The following DPT variants were observed in gnomAD, a reference collection of about 807,000 sequenced individuals.
The protein encoded by DPT is tyrosine-rich acidic matrix protein.
In DPT, 21 loss-of-function variants were observed where a neutral mutation model predicts 31.2. The ratio of observed to expected loss-of-function variants is 0.67; its 90% CI spans 0.48 to 0.97. The LOEUF (loss-of-function observed/expected upper bound fraction) is 0.97. DPT is among the 50% of genes least tolerant of loss of function. DPT has a pLI of 0.00. For missense variants in DPT, 262 were observed against 258.8 expected (o/e 1.01, Z -0.08); for synonymous variants, 91 against 86.9 (o/e 1.05, Z -0.26).
At chr1:168,701,747 G>A (rs892406030) in intron 2 of DPT, among the ~76,000 whole-genome samples, 1 of 152,144 alleles carries the variant, frequency 6.6e-6, no homozygotes, top group African/African-American at 2.4e-5. Flanking sequence ...GTCCACCATT[G>A]TTCATCCAGC....
chr1:168,725,203 T>G (rs796964398), intron 1 of DPT, among the ~76,000 whole-genome samples: 3 of 61,968 alleles, frequency 4.8e-5, no homozygotes, highest in African/African-American at 2.3e-4. Context: ...CCTTTGCTTT[T>G]CTTTCCTTTC....
chr1:168,702,603 G>A lies in DPT; in HGVS notation c.432-1479C>T, dbSNP rs1193251310. Among the ~76,000 whole-genome samples, 4 of 143,584 alleles carry A rather than the reference G, an allele frequency of 2.8e-5. No individual in the cohort carries two copies. In the East Asian group the frequency reaches 8.4e-4, roughly 30 times the overall value. 94.2% of individuals were successfully genotyped at this position (143,584 alleles called of 152,430 possible). On this transcript the variant is annotated intron_variant, in intron 2 of 3. Coordinates refer to ENST00000367817, the MANE Select transcript of DPT (RefSeq NM_001937.5). ...TCCAGAAGCAGGACTTTACCTTTCA[G>A]GTAAATGTCTTTTTTTTTTTTTTTT...
chr1:168,696,351 A>G lies in DPT; in HGVS notation c.*198T>C. 2 of 585,848 alleles carry G rather than the reference A, an allele frequency of 3.4e-6. No homozygotes were observed. Among genetic ancestry groups the G allele is most frequent in the Non-Finnish European group, 6.0e-6 (2 of 332,024 alleles). 36.3% of individuals were successfully genotyped at this position (585,848 alleles called of 1,614,324 possible). A position where few individuals can be genotyped will look rare whatever the true frequency, so the allele number is the denominator to read the frequency against. On this transcript the variant is annotated 3_prime_UTR_variant, in exon 4 of 4. Coordinates refer to ENST00000367817, the MANE Select transcript of DPT (RefSeq NM_001937.5). ...ATGAAACATGTGAAAAGTGAGAAACATGGTTTAATTGTGGATTTTATTAGA... is the reference window on the plus strand; with the variant it reads ...ATGAAACATGTGAAAAGTGAGAAACGTGGTTTAATTGTGGATTTTATTAGA...
intron 2 of DPT, among the ~76,000 whole-genome samples, chr1:168,706,081 G>A (rs1384105764): frequency 2.0e-5 from 3 of 152,136 alleles, no homozygotes; most frequent in African/African-American, 7.2e-5. Flanking sequence ...CATGAAAATG[G>A]ACTAATACAT....
chr1:168,727,705 A>ATT (rs3216459), intron 1 of DPT, among the ~76,000 whole-genome samples: 21 of 114,196 alleles, frequency 1.8e-4, no homozygotes, highest in African/African-American at 2.8e-4. Context: ...CACCGGGCTA[A>ATT]TTTTTTTTTT....
intron 2 of DPT, among the ~76,000 whole-genome samples, chr1:168,708,186 G>T (rs538816986): frequency 6.6e-6 from 1 of 151,524 alleles, no homozygotes; most frequent in South Asian, 2.1e-4. Flanking sequence ...TTGTTGTATT[G>T]TTATTTTTAT....
At chr1:168,700,417 G>T (rs1308562250) in intron 3 of DPT, among the ~76,000 whole-genome samples, 1 of 152,164 alleles carries the variant, frequency 6.6e-6, no homozygotes, top group African/African-American at 2.4e-5. Context: ...AGGTAATGTG[G>T]TATAGCAGCC....
intron 2 of DPT, among the ~76,000 whole-genome samples, chr1:168,708,112 G>A (rs1649763716): frequency 6.6e-6 from 1 of 152,140 alleles, no homozygotes; most frequent in South Asian, 2.1e-4. Context: ...TAATACCTAA[G>A]ATAATGCAAA....
intron 1 of DPT, among the ~76,000 whole-genome samples, chr1:168,727,138 G>T (rs1650264455): frequency 6.6e-6 from 1 of 152,214 alleles, no homozygotes; most frequent in South Asian, 2.1e-4. Flanking sequence ...TCTGCTGACA[G>T]AGTCAGCTGT....
At chr1:168,697,378 T>C (rs879319445) in intron 3 of DPT, among the ~76,000 whole-genome samples, 7 of 152,366 alleles carry the variant, frequency 4.6e-5, no homozygotes, top group Admixed American at 6.5e-5. Context: ...GCTATACATG[T>C]GTTTCCCTTC....
At position 168,729,072 on chromosome 1, in the gene DPT, C is replaced by T. The variant is rs149620756; in HGVS notation, c.103G>A (p.Asp35Asn). Residue 35 changes from aspartate (D) to asparagine (N), a missense_variant, in exon 1 of 4, where the codon GAT becomes AAT. Asp to Asn is a conservative substitution (Grantham distance 23, BLOSUM62 1). Transcript: ENST00000367817. ...CGGTTCAAATTCACCCACCCATCAT[C>T]GCTGTAGTCATGATACTGCTGGTAT... ...YPYQQYHDYS[D>N]DGWVNLNRQG... 5.8e-5 allele frequency: 93 copies of T among 1,614,110 alleles called. No homozygotes were observed. The highest frequency in any genetic ancestry group is 7.5e-5 in the Non-Finnish European group (88 of 1,180,052).
intron 1 of DPT, among the ~76,000 whole-genome samples, chr1:168,717,077 G>A (rs113218882): frequency 1.3e-5 from 2 of 152,138 alleles, no homozygotes; most frequent in African/African-American, 4.8e-5. Flanking sequence ...CCCATTAATG[G>A]GATTGTTGGG....
At chr1:168,721,785 C>A (rs775673414) in intron 1 of DPT, among the ~76,000 whole-genome samples, 5 of 152,200 alleles carry the variant, frequency 3.3e-5, no homozygotes, top group Non-Finnish European at 7.4e-5. Flanking sequence ...GTTTACTGCT[C>A]ATCCTCCTGC....
At chr1:168,709,109 A>G (rs16861377) in intron 2 of DPT, among the ~76,000 whole-genome samples, 23,022 of 152,194 alleles carry the variant, frequency 0.15, 2,509 homozygotes, top group African/African-American at 0.31. Flanking sequence ...ATTATTTTAC[A>G]GTCAAAAGAT....
Position 168,696,613 on chromosome 1 carries a change from T to C in DPT, c.542A>G (p.Asp181Gly). Residue 181 changes from aspartate (D) to glycine (G), a missense_variant and splice_region_variant, in exon 4 of 4, where the codon GAT becomes GGT. Transcript: ENST00000367817. ...ATTTFSAVER[D>G]RQWKFIMCRM... ...GCACATTATGAACTTCCACTGGCGA[T>C]CCCTGTGGGAGGGAGAGTCAGAAAA... 6.2e-7 allele frequency: 1 copy of C among 1,613,628 alleles called. No individual in the cohort carries two copies. Among genetic ancestry groups the C allele is most frequent in the Non-Finnish European group, 8.5e-7 (1 of 1,179,672 alleles).
chr1:168,714,148 T>C, intron 2 of DPT, 73 bp downstream of exon 2: 2 of 1,600,364 alleles, frequency 1.2e-6, no homozygotes, highest in Middle Eastern at 1.7e-4. Context: ...CAAGCTTACC[T>C]GAAGCTAGAG....
intron 3 of DPT, 119 bp downstream of exon 3, chr1:168,700,890 CGTGTGTGT>C: frequency 1.9e-6 from 1 of 540,018 alleles, no homozygotes; most frequent in Non-Finnish European, 3.1e-6. Flanking sequence ...TTGTATTCTA[CGTGTGTGT>C]GTGTGTGTGG....
chr1:168,708,462 C>A (rs1316721034), intron 2 of DPT, among the ~76,000 whole-genome samples: 3 of 152,190 alleles, frequency 2.0e-5, no homozygotes, highest in African/African-American at 7.2e-5. Flanking sequence ...ATATAAGTTC[C>A]TTTAAATTGA....
intron 1 of DPT, among the ~76,000 whole-genome samples, chr1:168,717,376 T>C (rs1162930053): frequency 6.6e-6 from 1 of 152,248 alleles, no homozygotes; most frequent in Non-Finnish European, 1.5e-5. Context: ...TCTGGTCATA[T>C]ACTTTGTCCA....
Sources: gnomAD v4.1 joint callset for allele counts (sites outside exome capture counted in the v4.1 genomes callset) on GRCh38, gnomAD v4.1.1 for gene constraint, MANE v1.5 for transcripts, NCBI Gene and HGNC (gene_info 2026-07-23, HGNC 2026-07-21) for gene names.